ZNF568: variants seen among roughly 807,000 people sequenced by gnomAD.
The protein encoded by ZNF568 is p53 inhibitor of SCO2 activation.
ZNF568 carries 11 observed loss-of-function variants against 18.1 expected under a neutral mutation model. The ratio of observed to expected loss-of-function variants is 0.61; its 90% CI spans 0.38 to 1.00. ZNF568 has a LOEUF of 1.00. ZNF568 is among the 50% of genes least tolerant of loss of function. The probability of loss-of-function intolerance (pLI) is 0.01; values close to 1 mark genes in which losing one functional copy is unlikely to be tolerated. For missense variants in ZNF568, 639 were observed against 768.2 expected (o/e 0.83, Z 1.99); for synonymous variants, 213 against 246.6 (o/e 0.86, Z 1.28).
chr19:36,936,919 A>T (rs199873241), intron 5 of ZNF568, 47 bp downstream of exon 5: 1 of 1,599,690 alleles, frequency 6.3e-7, no homozygotes, highest in African/African-American at 1.3e-5. Flanking sequence ...ATTCTTTTCC[A>T]TTTCTGAAAT....
intron 4 of ZNF568, among the ~76,000 whole-genome samples, chr19:36,933,928 T>G (rs1439618892): frequency 7.3e-6 from 1 of 136,314 alleles, no homozygotes; most frequent in Non-Finnish European, 1.5e-5. Context: ...TTTTTTGTTT[T>G]TTTTTTTTTT....
At chr19:36,979,579 A>G (rs1468853283) in exon 8 of ZNF568, 13 of 152,206 alleles carry the variant, frequency 8.5e-5, no homozygotes, top group Admixed American at 8.5e-4. Context: ...CTGCAACTCT[A>G]TTACTTGTCC....
At chr19:36,945,864 C>T (rs893497689) in intron 6 of ZNF568, among the ~76,000 whole-genome samples, 8 of 151,488 alleles carry the variant, frequency 5.3e-5, no homozygotes, top group East Asian at 3.9e-4. Flanking sequence ...AAGGCTGGGG[C>T]GGGCGGATCA....
chr19:36,983,911 T>TTTTTTTTTG (rs1300895800), downstream of ZNF568, among the ~76,000 whole-genome samples: 1 of 144,512 alleles, frequency 6.9e-6, no homozygotes, highest in African/African-American at 2.7e-5. Flanking sequence ...TTTTTTTTTT[T>TTTTTTTTTG]TTGTTGAGAC....
intron 4 of ZNF568, among the ~76,000 whole-genome samples, chr19:36,934,431 G>A (rs1369057590): frequency 1.3e-5 from 2 of 151,186 alleles, no homozygotes; most frequent in African/African-American, 2.4e-5. Context: ...ACTTCAGCCC[G>A]GTCCCCTAAG....
rs1258115122 is a variant in ZNF568, at chr19:36,925,816, T to C, written c.135+558T>C. Among the ~76,000 whole-genome samples, 3 of 152,198 alleles carry C rather than the reference T, an allele frequency of 2.0e-5. No individual in the cohort carries two copies. In the East Asian group the frequency reaches 5.8e-4, roughly 29 times the overall value. ...GGTTTTATAAGTAATCTAGGGACGATTTAAAGTATACGGGAGGACGTACAT... is the reference window on the plus strand; with the variant it reads ...GGTTTTATAAGTAATCTAGGGACGACTTAAAGTATACGGGAGGACGTACAT... On this transcript the variant is annotated intron_variant, in intron 4 of 6. Coordinates refer to ENST00000333987, the MANE Select transcript of ZNF568 (RefSeq NM_198539.4).
intron 4 of ZNF568, among the ~76,000 whole-genome samples, chr19:36,928,405 A>C (rs1435915382): frequency 6.6e-6 from 1 of 152,212 alleles, no homozygotes; most frequent in African/African-American, 2.4e-5. Flanking sequence ...TGATATTTTA[A>C]GAAATTATTC....
rs1754489189 is a variant in ZNF568, at chr19:36,950,559, C to G, written c.1406C>G (p.Thr469Ser). The G allele has an allele frequency of 6.2e-7, 1 of 1,613,598 alleles. No individual in the cohort carries two copies. The highest frequency in any genetic ancestry group is 2.2e-5 in the East Asian group (1 of 44,844). ...ENLITHQKIHTGEKPYECSEC... is the reference protein window; with the variant it reads ...ENLITHQKIHSGEKPYECSEC... Reference sequence around the variant, plus strand: ...CTCATTACACATCAGAAAATTCACACTGGAGAGAAACCTTATGAATGCAGT... The same window carrying G: ...CTCATTACACATCAGAAAATTCACAGTGGAGAGAAACCTTATGAATGCAGT... The change falls in exon 7 of 7, where the codon ACT (threonine) becomes AGT (serine). Residue 469 changes from threonine to serine, a missense_variant. Coordinates refer to ENST00000333987, the MANE Select transcript of ZNF568 (RefSeq NM_198539.4).
chr19:36,972,010 T>C (rs903674085), intron 6 of ZNF568, among the ~76,000 whole-genome samples: 1 of 151,400 alleles, frequency 6.6e-6, no homozygotes, highest in African/African-American at 2.4e-5. Context: ...AAATTTTGTA[T>C]TTTTAGTAGA....
intron 3 of ZNF568, among the ~76,000 whole-genome samples, chr19:36,924,455 G>C (rs1475726769): frequency 6.7e-6 from 1 of 150,258 alleles, no homozygotes; most frequent in Non-Finnish European, 1.5e-5. Context: ...CTGACCTCGT[G>C]ATCCGCCCGC....
rs373019886 is a variant in ZNF568 at position 36,936,871 on chromosome 19, G to A, written c.261G>A (p.Val87=). ...AGAACTACAGCAACCTAGTCACAGT[G>A]GGTAAGGTGGCTTGGTAGCCTTGCA... The part of the protein sequence containing the change: ...MLENYSNLVT[V]GCQVTKPDVI... Residue 87 remains valine (V), a splice_region_variant and synonymous_variant, in exon 5 of 7, where the codon GTG becomes GTA. Transcript: ENST00000333987. The A allele has an allele frequency of 5.0e-6, 8 of 1,612,272 alleles. No homozygotes were observed. The highest frequency in any genetic ancestry group is 1.3e-5 in the African/African-American group (1 of 74,864).
At chr19:36,953,887 C>T (rs983886290), downstream of ZNF568, among the ~76,000 whole-genome samples, 15 of 149,818 alleles carry the variant, frequency 1.0e-4, no homozygotes, top group African/African-American at 2.7e-4. Context: ...CTCCAGTCTG[C>T]GTGACAGAGT....
downstream of ZNF568, chr19:36,952,740 T>C: frequency 1.4e-6 from 1 of 691,242 alleles, no homozygotes; most frequent in Non-Finnish European, 1.8e-6. Flanking sequence ...AATGACAATA[T>C]GAATGTTTAC....
chr19:36,963,721 C>T (rs2074172278), intron 6 of ZNF568, among the ~76,000 whole-genome samples: 1 of 152,106 alleles, frequency 6.6e-6, no homozygotes, highest in Non-Finnish European at 1.5e-5. Context: ...GTAATCCCAG[C>T]ACTTTGGGAG....
At chr19:36,926,142 C>G (rs1425437373) in intron 4 of ZNF568, among the ~76,000 whole-genome samples, 1 of 151,604 alleles carries the variant, frequency 6.6e-6, no homozygotes, top group Non-Finnish European at 1.5e-5. Context: ...ATGGCAGAAT[C>G]TTATAGTTCT....
rs1011268515 is a variant in ZNF568 at position 36,924,830 on chromosome 19, C to CA, written c.77-359dup. Among the ~76,000 whole-genome samples, 95 of 124,268 alleles carry CA rather than the reference C, an allele frequency of 7.6e-4. 1 individual carries two copies. Among genetic ancestry groups the CA allele is most frequent in the Admixed American group, 2.6e-3 (31 of 12,032 alleles). 81.5% of individuals were successfully genotyped at this position (124,268 alleles called of 152,430 possible). A position where few individuals can be genotyped will look rare whatever the true frequency, so the allele number is the denominator to read the frequency against. On this transcript the variant is annotated intron_variant, in intron 3 of 6. Coordinates refer to ENST00000333987, the MANE Select transcript of ZNF568 (RefSeq NM_198539.4). ...TGGACGGCAGAGTGAGACTCCATCT[C>CA]AAAAAAAAAAAGAAAAAAAAATTTT... is the stretch of plus-strand genomic sequence containing the variant.
At chr19:36,994,643 A>G (rs1460592384) in intron 4 of ZNF568, among the ~76,000 whole-genome samples, 1 of 152,130 alleles carries the variant, frequency 6.6e-6, no homozygotes, top group Non-Finnish European at 1.5e-5. Context: ...TCTTATCATT[A>G]TAAAATATCC....
chr19:36,987,196 A>G (rs962212057), intron 2 of ZNF568, among the ~76,000 whole-genome samples: 3 of 152,148 alleles, frequency 2.0e-5, no homozygotes, highest in African/African-American at 7.2e-5. Context: ...TAGTAGCAGG[A>G]GAGAATGTCA....
At chr19:36,943,333 G>A (rs2073914060) in intron 6 of ZNF568, among the ~76,000 whole-genome samples, 1 of 146,230 alleles carries the variant, frequency 6.8e-6, no homozygotes, top group South Asian at 2.2e-4. Context: ...ATTTTATTGA[G>A]CGTCTTTCAC....
Sources: gnomAD v4.1 joint callset for allele counts (sites outside exome capture counted in the v4.1 genomes callset) on GRCh38, gnomAD v4.1.1 for gene constraint, MANE v1.5 for transcripts, NCBI Gene and HGNC (gene_info 2026-07-23, HGNC 2026-07-21) for gene names.